TMEFF1: variants seen among roughly 807,000 people sequenced by gnomAD.
The protein encoded by TMEFF1 is tomoregulin-1.
In TMEFF1, 20 loss-of-function variants were observed where a neutral mutation model predicts 47.5. The ratio of observed to expected loss-of-function variants is 0.42; its 90% CI spans 0.30 to 0.61. The LOEUF (loss-of-function observed/expected upper bound fraction) is 0.61. TMEFF1 is among the 20% of genes least tolerant of loss of function. TMEFF1 has a pLI of 0.19. For synonymous variants in TMEFF1, 162 were observed against 166.3 expected (o/e 0.97, Z 0.20); for missense variants, 411 against 471.1 (o/e 0.87, Z 1.18).
chr9:100,559,814 T>G (rs1485247965), intron 7 of TMEFF1, among the ~76,000 whole-genome samples: 2 of 152,156 alleles, frequency 1.3e-5, no homozygotes, highest in Non-Finnish European at 2.9e-5. Flanking sequence ...TCCCTGACTT[T>G]TAGGTCTATT....
chr9:100,561,504 C>G lies in TMEFF1; in HGVS notation c.883C>G (p.Gln295Glu). 1 of 1,612,848 alleles carries G rather than the reference C, an allele frequency of 6.2e-7. No homozygotes were observed. Among genetic ancestry groups the G allele is most frequent in the South Asian group, 1.1e-5 (1 of 90,732 alleles). The change falls in exon 8 of 10, where the codon CAG (glutamine) becomes GAG (glutamate). Residue 295 changes from glutamine (Q) to glutamate (E), a missense_variant. Gln to Glu is a conservative substitution (Grantham distance 29). Transcript: ENST00000374879. Reference sequence around the variant, plus strand: ...AAAATGTGAATTCATCTATTCTACTCAGAAGGCTTCTTGTAGGTAAGTCAG... The same window carrying G: ...AAAATGTGAATTCATCTATTCTACTGAGAAGGCTTCTTGTAGGTAAGTCAG... ...HGKCEFIYST[Q>E]KASCRCESGY...
At chr9:100,515,653 G>T (rs557681228) in intron 4 of TMEFF1, among the ~76,000 whole-genome samples, 1 of 152,164 alleles carries the variant, frequency 6.6e-6, no homozygotes, top group Admixed American at 6.5e-5. Context: ...GGGCATGGTG[G>T]TGTGAACCTG....
intron 5 of TMEFF1, among the ~76,000 whole-genome samples, chr9:100,538,165 G>T (rs1399330380): frequency 6.6e-6 from 1 of 151,974 alleles, no homozygotes; most frequent in Non-Finnish European, 1.5e-5. Flanking sequence ...TGATTCTCCT[G>T]TCTCAGCCTC....
At chr9:100,493,209 T>G (rs1255749272) in intron 1 of TMEFF1, among the ~76,000 whole-genome samples, 3 of 152,104 alleles carry the variant, frequency 2.0e-5, no homozygotes, top group Non-Finnish European at 2.9e-5. Context: ...TACAGGATAT[T>G]CCCTACAACA....
chr9:100,561,710 CTTTTT>C (rs1168313703), intron 8 of TMEFF1, among the ~76,000 whole-genome samples, 190 bp downstream of exon 8: 4 of 142,152 alleles, frequency 2.8e-5, no homozygotes, highest in African/African-American at 1.0e-4. Flanking sequence ...AAACAAAAAT[CTTTTT>C]TTTTTTTAGG....
At chr9:100,572,305 G>A (rs1839255323) in intron 8 of TMEFF1, among the ~76,000 whole-genome samples, 1 of 152,128 alleles carries the variant, frequency 6.6e-6, no homozygotes, top group Admixed American at 6.5e-5. Context: ...TAAAATTAAT[G>A]TGATATAACT....
chr9:100,534,114 G>A (rs1838458746), intron 5 of TMEFF1, among the ~76,000 whole-genome samples: 1 of 152,220 alleles, frequency 6.6e-6, no homozygotes, highest in Admixed American at 6.5e-5. Context: ...TGAGGCAGGA[G>A]TGTCCCTAGT....
chr9:100,514,868 G>A (rs996528274), intron 4 of TMEFF1, among the ~76,000 whole-genome samples: 1 of 151,938 alleles, frequency 6.6e-6, no homozygotes, highest in East Asian at 1.9e-4. Context: ...GGTGGTGGGC[G>A]CCTGTAATCC....
intron 1 of TMEFF1, among the ~76,000 whole-genome samples, chr9:100,496,038 G>A (rs577847721): frequency 5.9e-5 from 9 of 152,336 alleles, no homozygotes; most frequent in African/African-American, 2.2e-4. Context: ...ATGTGTCCCA[G>A]CTCCTTTCTC....
chr9:100,575,189 A>G (rs912406396), intron 9 of TMEFF1, among the ~76,000 whole-genome samples: 2 of 152,202 alleles, frequency 1.3e-5, no homozygotes, highest in Admixed American at 6.5e-5. Flanking sequence ...AGCTGTTGAC[A>G]TATACCGTGG....
intron 8 of TMEFF1, among the ~76,000 whole-genome samples, chr9:100,564,076 C>T (rs1049494781): frequency 3.3e-5 from 5 of 151,966 alleles, no homozygotes; most frequent in African/African-American, 4.8e-5. Flanking sequence ...ACTGATTTTT[C>T]GTTTTGTTTT....
chr9:100,498,684 T>TACACAC, intron 1 of TMEFF1, 81 bp from the exon 2 acceptor site: 1 of 1,250,312 alleles, frequency 8.0e-7, no homozygotes, highest in Non-Finnish European at 1.1e-6. Flanking sequence ...GACTTTTTCA[T>TACACAC]ACACACACAC....
chr9:100,498,106 A>G (rs1320870321), intron 1 of TMEFF1, among the ~76,000 whole-genome samples: 1 of 152,120 alleles, frequency 6.6e-6, no homozygotes, highest in Admixed American at 6.6e-5. Context: ...GAGCAATATG[A>G]CCACAGAATT....
chr9:100,492,398 G>T (rs1217319123), intron 1 of TMEFF1, among the ~76,000 whole-genome samples: 1 of 152,134 alleles, frequency 6.6e-6, no homozygotes, highest in Non-Finnish European at 1.5e-5. Context: ...TCACATAATT[G>T]TAGTAACAAC....
intron 5 of TMEFF1, among the ~76,000 whole-genome samples, chr9:100,522,402 G>A (rs972610642): frequency 6.8e-6 from 1 of 146,470 alleles, no homozygotes; most frequent in African/African-American, 2.5e-5. Flanking sequence ...TGTTAGTAAT[G>A]ACAGGTTCCT....
chr9:100,524,231 T>C (rs566969220), intron 5 of TMEFF1, among the ~76,000 whole-genome samples: 84 of 152,334 alleles, frequency 5.5e-4, no homozygotes, highest in African/African-American at 1.9e-3. Flanking sequence ...ATGTATACTG[T>C]ATACAAAAGT....
intron 3 of TMEFF1, among the ~76,000 whole-genome samples, chr9:100,511,311 G>C (rs1174160669): frequency 6.6e-6 from 1 of 152,188 alleles, no homozygotes; most frequent in South Asian, 2.1e-4. Context: ...ACATTAGGCA[G>C]CAAAGTGGTA....
chr9:100,501,285 G>C lies in TMEFF1; in HGVS notation c.306+2411G>C, dbSNP rs530385400. The stretch of plus-strand genomic sequence containing the variant: ...CATTATCACCAATAGCCTCATATCA[G>C]ATGTCCTGTTTCCCCTCAACCTTTT... On this transcript the variant is annotated intron_variant, in intron 2 of 9. Transcript: ENST00000374879. 1.6e-4 allele frequency among the ~76,000 whole-genome samples: 25 copies of C among 152,314 alleles called. No individual in the cohort carries two copies. The East Asian group carries it at 4.8e-3, about 29-fold the overall frequency.
intron 1 of TMEFF1, among the ~76,000 whole-genome samples, chr9:100,486,092 G>C (rs368651439): frequency 1.3e-5 from 2 of 149,634 alleles, no homozygotes; most frequent in African/African-American, 2.5e-5. Context: ...GATTAAAAAA[G>C]GGAAAAAACC....
Sources: gnomAD v4.1 joint callset for allele counts (sites outside exome capture counted in the v4.1 genomes callset) on GRCh38, gnomAD v4.1.1 for gene constraint, MANE v1.5 for transcripts, NCBI Gene and HGNC (gene_info 2026-07-23, HGNC 2026-07-21) for gene names.